The following ABCA5 variants were observed in gnomAD, a reference collection of about 807,000 sequenced individuals.
ABCA5 encodes the protein ATP binding cassette subfamily A member 5.
In ABCA5, 163 loss-of-function variants were observed where a neutral mutation model predicts 206.0. The observed-to-expected ratio is 0.79, with a 90% CI of 0.70 to 0.90. ABCA5 has a LOEUF of 0.90. Ranked by LOEUF, ABCA5 falls within the 40% of genes least tolerant of loss-of-function variation. The probability of loss-of-function intolerance (pLI) is 0.00; values close to 1 mark genes in which losing one functional copy is unlikely to be tolerated. For missense variants in ABCA5, 1,859 were observed against 1,912.9 expected (o/e 0.97, Z 0.53); for synonymous variants, 609 against 613.8 (o/e 0.99, Z 0.11).
rs921622747 is a variant in ABCA5 at position 69,245,875 on chromosome 17, T to C, written c.*1662A>G. 1.3e-5 allele frequency: 2 copies of C among 152,006 alleles called. No individual in the cohort carries two copies. The highest frequency in any genetic ancestry group is 2.9e-5 in the Non-Finnish European group (2 of 67,848). 9.4% of individuals were successfully genotyped at this position (152,006 alleles called of 1,614,324 possible). On this transcript the variant is annotated 3_prime_UTR_variant, in exon 39 of 39. Coordinates refer to ENST00000392676, the MANE Select transcript of ABCA5 (RefSeq NM_172232.4). Reference sequence around the variant, plus strand: ...TTCAGATGACATAACTTTCTTAGGATGGTCAGGTTCTAAAAAAAACTATGC... The same window carrying C: ...TTCAGATGACATAACTTTCTTAGGACGGTCAGGTTCTAAAAAAAACTATGC...
At chr17:69,272,809 C>T (rs938145852) in intron 20 of ABCA5, among the ~76,000 whole-genome samples, 27 of 152,182 alleles carry the variant, frequency 1.8e-4, no homozygotes, top group African/African-American at 5.8e-4. Context: ...TAATATAACA[C>T]GCACCAGATT....
At position 69,326,024 on chromosome 17, in the gene ABCA5, T is replaced by C. The variant is rs1183942089; in HGVS notation, c.-16+1028A>G. On this transcript the variant is annotated intron_variant, in intron 1 of 38. Coordinates refer to ENST00000392676, the MANE Select transcript of ABCA5 (RefSeq NM_172232.4). This position sits in a 1 kb window ranked among gnomAD's most constrained non-coding sequence, Gnocchi z 4.8. Reference sequence around the variant, plus strand: ...CCTAATAATGTTCCCTACTATGGAGTCTTCCCTAAAACACATACAATATTG... The same window carrying C: ...CCTAATAATGTTCCCTACTATGGAGCCTTCCCTAAAACACATACAATATTG... Among the ~76,000 whole-genome samples, 1 of 151,872 alleles carries C rather than the reference T, an allele frequency of 6.6e-6. No homozygotes were observed. Among genetic ancestry groups the C allele is most frequent in the Non-Finnish European group, 1.5e-5 (1 of 67,974 alleles).
intron 23 of ABCA5, among the ~76,000 whole-genome samples, chr17:69,265,827 C>A (rs1226427877): frequency 1.3e-5 from 2 of 152,164 alleles, no homozygotes; most frequent in East Asian, 3.8e-4. Context: ...CATTCACACA[C>A]TGCTGGTAGG....
chr17:69,274,281 T>C (rs1234399300), intron 19 of ABCA5, among the ~76,000 whole-genome samples, 153 bp from the exon 20 acceptor site: 2 of 152,100 alleles, frequency 1.3e-5, no homozygotes, highest in Admixed American at 6.5e-5. Context: ...TGTAATGGCA[T>C]GATCTCAGCT....
chr17:69,269,610 A>G (rs1404434279), intron 22 of ABCA5, among the ~76,000 whole-genome samples: 1 of 152,212 alleles, frequency 6.6e-6, no homozygotes, highest in Non-Finnish European at 1.5e-5. Context: ...ATTCATAAGC[A>G]TTACTCATAA....
At chr17:69,251,700 C>A in intron 35 of ABCA5, 47 bp downstream of exon 35, 2 of 1,552,126 alleles carry the variant, frequency 1.3e-6, no homozygotes, top group Admixed American at 2.2e-5. Flanking sequence ...TTTCAAAATC[C>A]AACCCCCAAC....
rs975924404 is a variant in ABCA5, at chr17:69,284,184, C to T, written c.2273-112G>A. The T allele has an allele frequency of 9.0e-5, 74 of 825,402 alleles. No individual in the cohort carries two copies. In the Admixed American group the frequency reaches 1.1e-3, roughly 12 times the overall value. The allele number at this position is 825,402 out of a possible 1,614,324, so 51.1% of individuals were successfully genotyped here. A position where few individuals can be genotyped will look rare whatever the true frequency, so the allele number is the denominator to read the frequency against. On this transcript the variant is annotated intron_variant, in intron 17 of 38. Coordinates refer to ENST00000392676, the MANE Select transcript of ABCA5 (RefSeq NM_172232.4). ...ACAGCCTGTGAAACATATCATGACC[C>T]ATCTCTACAAAAAATAAAAATAAAT...
chr17:69,283,138 T>C (rs2144966038), intron 18 of ABCA5, among the ~76,000 whole-genome samples: 1 of 152,004 alleles, frequency 6.6e-6, no homozygotes, highest in East Asian at 1.9e-4. Context: ...AGGCACACAC[T>C]ACCATACCTG....
In ABCA5 at chr17:69,253,919, A is replaced by G; in HGVS notation, c.4245-50T>C. 5 of 1,431,810 alleles carry G rather than the reference A, an allele frequency of 3.5e-6. No homozygotes were observed. In the Admixed American group the frequency reaches 9.0e-5, roughly 26 times the overall value. 88.7% of individuals were successfully genotyped at this position (1,431,810 alleles called of 1,614,324 possible). A position where few individuals can be genotyped will look rare whatever the true frequency, so the allele number is the denominator to read the frequency against. On this transcript the variant is annotated intron_variant, in intron 32 of 38. Coordinates refer to ENST00000392676, the MANE Select transcript of ABCA5 (RefSeq NM_172232.4). ...AGAATACCATGATATATATAAACAC[A>G]AATACCAACTGGGTGTGATCCCTGA... is the stretch of plus-strand genomic sequence containing the variant.
At chr17:69,255,477 T>G (rs1471521958) in intron 31 of ABCA5, 66 bp downstream of exon 31, 1 of 1,070,304 alleles carries the variant, frequency 9.3e-7, no homozygotes, top group East Asian at 2.9e-5. Flanking sequence ...AATTTGTCAC[T>G]AAAAGTTTAT....
intron 23 of ABCA5, among the ~76,000 whole-genome samples, chr17:69,266,659 A>C (rs1182900906): frequency 2.7e-5 from 4 of 148,524 alleles, no homozygotes; most frequent in Non-Finnish European, 6.0e-5. Flanking sequence ...CAGTTGAAAC[A>C]AGAAAGAAAA....
chr17:69,321,901 C>T (rs1210701787), intron 1 of ABCA5, among the ~76,000 whole-genome samples: 1 of 152,056 alleles, frequency 6.6e-6, no homozygotes, highest in African/African-American at 2.4e-5. Flanking sequence ...ATTTAACTTT[C>T]CTAGATAAAT....
intron 12 of ABCA5, among the ~76,000 whole-genome samples, chr17:69,290,400 G>A (rs1328768543): frequency 6.6e-6 from 1 of 152,118 alleles, no homozygotes; most frequent in Admixed American, 6.6e-5. Flanking sequence ...AACTAGCTGT[G>A]TGGTCATGGC....
chr17:69,244,830 C>T lies in ABCA5; in HGVS notation c.*2707G>A, dbSNP rs189397210. 8.2e-4 allele frequency: 124 copies of T among 150,662 alleles called. No individual in the cohort carries two copies. Among genetic ancestry groups the T allele is most frequent in the African/African-American group, 2.9e-3 (119 of 41,286 alleles). 9.3% of individuals were successfully genotyped at this position (150,662 alleles called of 1,614,324 possible). A position where few individuals can be genotyped will look rare whatever the true frequency, so the allele number is the denominator to read the frequency against. ...TAAAATTAATTGTGCTCCTATAAAACGTTGTTAGTACTACTAGCAAAGGAT... is the reference window on the plus strand; with the variant it reads ...TAAAATTAATTGTGCTCCTATAAAATGTTGTTAGTACTACTAGCAAAGGAT... On this transcript the variant is annotated 3_prime_UTR_variant, in exon 39 of 39. Transcript: ENST00000392676.
intron 26 of ABCA5, 117 bp from the exon 27 acceptor site, chr17:69,260,529 A>G (rs2075135851): frequency 1.5e-6 from 1 of 662,286 alleles, no homozygotes; most frequent in Non-Finnish European, 2.5e-6. Flanking sequence ...TTAGCTGTTC[A>G]TATTAGTAAG....
intron 3 of ABCA5, among the ~76,000 whole-genome samples, chr17:69,312,738 C>T (rs2075782167): frequency 6.6e-6 from 1 of 152,046 alleles, no homozygotes; most frequent in African/African-American, 2.4e-5. Context: ...GCACATGCTA[C>T]CACATTCAGC....
Position 69,270,750 on chromosome 17 carries a change from C to T in ABCA5, c.2893G>A (p.Asp965Asn), listed in dbSNP as rs1421047074. The T allele has an allele frequency of 3.3e-6, 5 of 1,526,020 alleles. No homozygotes were observed. The highest frequency in any genetic ancestry group is 4.4e-6 in the Non-Finnish European group (5 of 1,143,310). The allele number at this position is 1,526,020 out of a possible 1,614,324, so 94.5% of individuals were successfully genotyped here. A position where few individuals can be genotyped will look rare whatever the true frequency, so the allele number is the denominator to read the frequency against. Residue 965 changes from aspartate to asparagine, a missense_variant and splice_region_variant, in exon 22 of 39, where the codon GAC becomes AAC. By Grantham distance (23) the Asp-to-Asn change is conservative. Coordinates refer to ENST00000392676, the MANE Select transcript of ABCA5 (RefSeq NM_172232.4). ...TTGAAAACAGCTGCAAAAACATAGT[C>T]CTACAATTAAAAAAAAGACACTTAT... ...AALNVMHSEK[D>N]YVFAAVFNST...
chr17:69,287,965 C>T (rs1309169292), intron 14 of ABCA5, among the ~76,000 whole-genome samples: 1 of 152,080 alleles, frequency 6.6e-6, no homozygotes, highest in Non-Finnish European at 1.5e-5. Context: ...TTCTAAAAGA[C>T]TGCCTGTAAT....
At chr17:69,282,578 G>A (rs553120379) in intron 18 of ABCA5, among the ~76,000 whole-genome samples, 2 of 152,176 alleles carry the variant, frequency 1.3e-5, no homozygotes, top group African/African-American at 4.8e-5. Context: ...GACCAGCCTG[G>A]CCAACATGGC....
Sources: allele counts gnomAD v4.1 joint callset (sites outside exome capture counted in the v4.1 genomes callset), GRCh38; gene constraint gnomAD v4.1.1; non-coding constraint Gnocchi (gnomAD v3.1); transcripts MANE v1.5; gene names NCBI Gene and HGNC (gene_info 2026-07-23, HGNC 2026-07-21).